Variants in SORL1 observed in about 807,000 individuals in gnomAD.
The protein encoded by SORL1 is sortilin related receptor 1.
In SORL1, 127 loss-of-function variants were observed where a neutral mutation model predicts 273.7. That is an observed-to-expected ratio of 0.46 (90% CI 0.40 to 0.54). The LOEUF (loss-of-function observed/expected upper bound fraction) is 0.54, where lower values mean the gene tolerates loss of function less well. Ranked by LOEUF, SORL1 falls within the 20% of genes least tolerant of loss-of-function variation. SORL1 has a pLI of 0.00. For synonymous variants in SORL1, 1,031 were observed against 1,067.4 expected (o/e 0.97, Z 0.66); for missense variants, 2,494 against 2,846.1 (o/e 0.88, Z 2.81).
chr11:121,577,268 G>T lies in SORL1; in HGVS notation c.3461-13G>T. 6.4e-7 allele frequency: 1 copy of T among 1,574,054 alleles called. No homozygotes were observed. Among genetic ancestry groups the T allele is most frequent in the Non-Finnish European group, 8.6e-7 (1 of 1,161,914 alleles). ...TTTTGTCCTCACCTCTCTGTTTATGGTCTCACCTGCAGAAATGCACCAGTG... is the reference window on the plus strand; with the variant it reads ...TTTTGTCCTCACCTCTCTGTTTATGTTCTCACCTGCAGAAATGCACCAGTG... On this transcript the variant is annotated splice_polypyrimidine_tract_variant and intron_variant, in intron 24 of 47. Coordinates refer to ENST00000260197, the MANE Select transcript of SORL1 (RefSeq NM_003105.6).
At chr11:121,575,675 C>T (rs1276904393) in intron 24 of SORL1, among the ~76,000 whole-genome samples, 2 of 152,198 alleles carry the variant, frequency 1.3e-5, no homozygotes, top group African/African-American at 4.8e-5. Context: ...AAAAAATTCC[C>T]AGTTTTCCTT....
intron 37 of SORL1, among the ~76,000 whole-genome samples, chr11:121,607,737 C>A (rs189281205): frequency 6.6e-6 from 1 of 152,242 alleles, no homozygotes; most frequent in Non-Finnish European, 1.5e-5. Context: ...TTTGCTGAGA[C>A]CATTAAGTGT....
At position 121,595,503 on chromosome 11, in the gene SORL1, G is replaced by A; in HGVS notation, c.4370-120G>A. 1 of 898,764 alleles carries A rather than the reference G, an allele frequency of 1.1e-6. No individual in the cohort carries two copies. Among genetic ancestry groups the A allele is most frequent in the Non-Finnish European group, 1.7e-6 (1 of 579,212 alleles). The allele number at this position is 898,764 out of a possible 1,614,324, so 55.7% of individuals were successfully genotyped here. ...TGCTCTCTATCCGGAACTCGCATTT[G>A]TCTTCAGGTTCCCATTGTAATTTCT... is the stretch of plus-strand genomic sequence containing the variant. On this transcript the variant is annotated intron_variant, in intron 31 of 47. Coordinates refer to ENST00000260197, the MANE Select transcript of SORL1 (RefSeq NM_003105.6). This position sits in a 1 kb window ranked among gnomAD's most constrained non-coding sequence, Gnocchi z 5.1.
chr11:121,503,567 C>A (rs1202963354), intron 6 of SORL1, among the ~76,000 whole-genome samples: 1 of 152,012 alleles, frequency 6.6e-6, no homozygotes, highest in African/African-American at 2.4e-5. Flanking sequence ...TGGCTCACTG[C>A]AGCTTTGAAC....
chr11:121,577,101 A>G (rs373281387), intron 24 of SORL1, 180 bp from the exon 25 acceptor site: 2 of 1,072,352 alleles, frequency 1.9e-6, no homozygotes, highest in African/African-American at 1.6e-5. Flanking sequence ...CATTTGCAGC[A>G]CACTGACTGG....
chr11:121,511,017 A>C (rs1205025648), intron 6 of SORL1, among the ~76,000 whole-genome samples: 1 of 151,284 alleles, frequency 6.6e-6, no homozygotes, highest in Non-Finnish European at 1.5e-5. Context: ...GAGCCTTACA[A>C]TACATCTTAT....
chr11:121,558,560 G>A, intron 19 of SORL1, 31 bp from the exon 20 acceptor site: 1 of 1,611,678 alleles, frequency 6.2e-7, no homozygotes. Flanking sequence ...TAGTATTGAT[G>A]AGGTATGTGT....
intron 1 of SORL1, among the ~76,000 whole-genome samples, chr11:121,455,747 C>T (rs753502751): frequency 2.0e-5 from 3 of 152,254 alleles, no homozygotes; most frequent in Non-Finnish European, 4.4e-5. Context: ...AATCCCAGCA[C>T]TGTGGGAGGC....
chr11:121,606,754 G>A (rs1339449951), intron 35 of SORL1, 91 bp from the exon 36 acceptor site: 8 of 814,406 alleles, frequency 9.8e-6, no homozygotes, highest in African/African-American at 1.7e-5. Flanking sequence ...CGGCTGTGGA[G>A]TCGTTCTTGT....
intron 5 of SORL1, among the ~76,000 whole-genome samples, chr11:121,494,336 C>T (rs897181749): frequency 1.4e-4 from 22 of 152,246 alleles, no homozygotes; most frequent in Admixed American, 1.2e-3. Context: ...GTAATCTAGT[C>T]TCTCAGAATA....
At chr11:121,520,270 G>A (rs1344369515) in intron 8 of SORL1, among the ~76,000 whole-genome samples, 2 of 152,174 alleles carry the variant, frequency 1.3e-5, no homozygotes, top group Non-Finnish European at 1.5e-5. Context: ...AAAAAAAAAG[G>A]AATGAAGTTC....
At position 121,554,040 on chromosome 11, in the gene SORL1, A is replaced by G; in HGVS notation, c.2370A>G (p.Ala790=). Residue 790 remains alanine, a synonymous_variant, in exon 17 of 48, where the codon GCA becomes GCG. Coordinates refer to ENST00000260197, the MANE Select transcript of SORL1 (RefSeq NM_003105.6). The surrounding 1 kb of genome is among the most constrained non-coding windows in gnomAD (Gnocchi z 4.6). ...EQLPLTGLRA[A]VALDFDYEHN... ...TGCCTCTCACCGGGCTACGGGCAGC[A>G]GTGGCCCTGGACTTTGACTATGAGC... 7.4e-6 allele frequency: 12 copies of G among 1,614,192 alleles called. No individual in the cohort carries two copies. Among genetic ancestry groups the G allele is most frequent in the Non-Finnish European group, 1.0e-5 (12 of 1,180,006 alleles).
intron 21 of SORL1, among the ~76,000 whole-genome samples, chr11:121,560,575 C>T (rs1862656599): frequency 1.3e-5 from 2 of 152,180 alleles, no homozygotes; most frequent in Admixed American, 1.3e-4. Context: ...TATTGACAAA[C>T]TGCTAAGTTT....
rs1565312652 is a variant in SORL1, at chr11:121,488,147, C to T, written c.644C>T (p.Ala215Val). 6.2e-7 allele frequency: 1 copy of T among 1,614,172 alleles called. No individual in the cohort carries two copies. Among genetic ancestry groups the T allele is most frequent in the South Asian group, 1.1e-5 (1 of 91,090 alleles). The part of the protein sequence containing the change: ...RAADLLLHSK[A>V]SNLLLGFDRS... ...GCTGATCTCCTCCTACACAGTAAGG[C>T]CTCCAACCTTCTCTTGGGCTTTGAC... is the stretch of plus-strand genomic sequence containing the variant. The change falls in exon 4 of 48, where the codon GCC becomes GTC. Residue 215 changes from alanine (A) to valine (V), a missense_variant. Physicochemically the swap from Ala to Val is moderately conservative, Grantham distance 64. Around this residue, in one of 3 missense-constraint regions of SORL1, gnomAD observed 710 missense variants for 882.5 expected, o/e 0.80. Transcript: ENST00000260197.
rs770587574 is a variant in SORL1 at position 121,478,194 on chromosome 11, G to C, written c.479G>C (p.Ser160Thr). ...TTAAACTTTGGCTTGGGAAATAGGA[G>C]TGAAGCTGTTATCGCCCAGTTCTAC... ...DKLNFGLGNR[S>T]EAVIAQFYHS... The change falls in exon 3 of 48, where the codon AGT (serine) becomes ACT (threonine). Residue 160 changes from serine (S) to threonine (T), a missense_variant. Around this residue, in one of 3 missense-constraint regions of SORL1, gnomAD observed 710 missense variants for 882.5 expected, o/e 0.80. Transcript: ENST00000260197. 5.0e-6 allele frequency: 8 copies of C among 1,614,204 alleles called. No individual in the cohort carries two copies. Among genetic ancestry groups the C allele is most frequent in the Non-Finnish European group, 6.8e-6 (8 of 1,180,038 alleles).
chr11:121,481,039 C>G (rs1861373179), intron 3 of SORL1, among the ~76,000 whole-genome samples: 2 of 120,158 alleles, frequency 1.7e-5, no homozygotes, highest in East Asian at 2.5e-4. Context: ...TCCTCCTCCC[C>G]AGCTCCTCCC....
chr11:121,576,777 A>C (rs1177140434), intron 24 of SORL1: 1 of 1,489,110 alleles, frequency 6.7e-7, no homozygotes, highest in Non-Finnish European at 8.9e-7. Context: ...GTCCCGAGTT[A>C]TGTTTCCTCC....
chr11:121,600,651 G>A (rs1863374436), intron 32 of SORL1, among the ~76,000 whole-genome samples: 1 of 152,196 alleles, frequency 6.6e-6, no homozygotes, highest in Non-Finnish European at 1.5e-5. Context: ...ATGTTGCCTG[G>A]TAAAGGGTCT....
At chr11:121,578,386 C>CT (rs1257333158) in intron 25 of SORL1, among the ~76,000 whole-genome samples, 1 of 152,238 alleles carries the variant, frequency 6.6e-6, no homozygotes, top group African/African-American at 2.4e-5. Context: ...TTAACCTCCT[C>CT]TGCCCCCAGA....
Sources: gnomAD v4.1 joint callset for allele counts (sites outside exome capture counted in the v4.1 genomes callset) on GRCh38, gnomAD v4.1.1 for gene constraint, gnomAD v4.1.1 regional missense constraint, Gnocchi (gnomAD v3.1) non-coding constraint, MANE v1.5 for transcripts, NCBI Gene and HGNC (gene_info 2026-07-23, HGNC 2026-07-21) for gene names.